FLRT2: variants seen among roughly 807,000 people sequenced by gnomAD.
FLRT2 encodes fibronectin leucine rich transmembrane protein 2.
FLRT2 carries 15 observed loss-of-function variants against 40.0 expected under a neutral mutation model. That is an observed-to-expected ratio of 0.38 (90% confidence interval 0.25 to 0.58). The LOEUF (loss-of-function observed/expected upper bound fraction) is 0.58, where lower values mean the gene tolerates loss of function less well. Ranked by LOEUF, FLRT2 falls within the 20% of genes least tolerant of loss-of-function variation. FLRT2 has a pLI of 0.71. For missense variants in FLRT2, 726 were observed against 840.0 expected (o/e 0.86, Z 1.68); for synonymous variants, 380 against 336.8 (o/e 1.13, Z -1.41).
In FLRT2 at chr14:85,579,844, T is replaced by C. The variant is rs553190356; in HGVS notation, c.-376-41295T>C. Among the ~76,000 whole-genome samples the C allele has an allele frequency of 1.2e-4, 19 of 152,144 alleles. No individual in the cohort carries two copies. The South Asian group carries it at 3.7e-3, about 30-fold the overall frequency. The stretch of plus-strand genomic sequence containing the variant: ...TTTAAAAGCGATGCCACTGGGATAC[T>C]AGTGAATACTTCTTTGTGAATATAT... On this transcript the variant is annotated intron_variant, in intron 1 of 1. Transcript: ENST00000330753.
intron 1 of FLRT2, among the ~76,000 whole-genome samples, chr14:85,546,666 A>G (rs1889297372): frequency 6.6e-6 from 1 of 152,166 alleles, no homozygotes. Context: ...AGGCCCTATA[A>G]AGGAAACCTT....
intron 1 of FLRT2, chr14:85,562,620 C>CTTTCTTTTTTT (rs528652422): frequency 8.7e-6 from 1 of 115,520 alleles, no homozygotes; most frequent in South Asian, 2.9e-4. Context: ...TTCTTTCTTT[C>CTTTCTTTTTTT]TTTTTTTTTT....
intron 1 of FLRT2, among the ~76,000 whole-genome samples, chr14:85,534,327 C>T (rs1415831631): frequency 2.0e-5 from 3 of 152,128 alleles, no homozygotes; most frequent in Non-Finnish European, 4.4e-5. Context: ...CCGCACGCTC[C>T]CCCCTTCACA....
intron 1 of FLRT2, chr14:85,560,888 G>A (rs1671157004): frequency 6.6e-6 from 1 of 151,920 alleles, no homozygotes; most frequent in South Asian, 2.1e-4. Flanking sequence ...TCTTGACTAA[G>A]AAAAAATGCA....
Position 85,631,188 on chromosome 14 carries a change from C to T in FLRT2, c.*7691C>T, listed in dbSNP as rs1308396522. 1 of 138,314 alleles carries T rather than the reference C, an allele frequency of 7.2e-6. No individual in the cohort carries two copies. The highest frequency in any genetic ancestry group is 1.5e-5 in the Non-Finnish European group (1 of 66,312). 8.6% of individuals were successfully genotyped at this position (138,314 alleles called of 1,614,324 possible). On this transcript the variant is annotated 3_prime_UTR_variant, in exon 2 of 2. Coordinates refer to ENST00000330753, the MANE Select transcript of FLRT2 (RefSeq NM_013231.6). ...TCCTGGGATCTCAAGTTCCTTCAAA[C>T]CACTATATATGTGCTCAAGGTCTTT... is the stretch of plus-strand genomic sequence containing the variant.
rs150988912 is a variant in FLRT2 at position 85,561,724 on chromosome 14, C to T, written c.-377+31190C>T. On this transcript the variant is annotated intron_variant, in intron 1 of 1. Transcript: ENST00000330753. ...CTAGAATACAATGATAAAGTAGGAACGAGATAAAATAGAATCGTACCAGAA... is the reference window on the plus strand; with the variant it reads ...CTAGAATACAATGATAAAGTAGGAATGAGATAAAATAGAATCGTACCAGAA... Among the ~76,000 whole-genome samples, 558 of 152,272 alleles carry T rather than the reference C, an allele frequency of 3.7e-3. 4 individuals carry two copies. The highest frequency in any genetic ancestry group is 0.013 in the African/African-American group (533 of 41,538).
At chr14:85,577,715 T>C (rs1891182087) in intron 1 of FLRT2, among the ~76,000 whole-genome samples, 1 of 151,806 alleles carries the variant, frequency 6.6e-6, no homozygotes, top group Non-Finnish European at 1.5e-5. Context: ...GTCTCTCGAG[T>C]AGCTAAGACT....
intron 1 of FLRT2, among the ~76,000 whole-genome samples, chr14:85,594,157 T>C (rs918159558): frequency 6.6e-6 from 1 of 152,254 alleles, no homozygotes; most frequent in Non-Finnish European, 1.5e-5. Flanking sequence ...GGTCCAATTA[T>C]TTGTTAATAA....
chr14:85,538,076 C>A (rs1313793729), intron 1 of FLRT2, among the ~76,000 whole-genome samples: 1 of 152,046 alleles, frequency 6.6e-6, no homozygotes, highest in Non-Finnish European at 1.5e-5. Flanking sequence ...ACTTACTGGC[C>A]TCCTGTACCA....
intron 1 of FLRT2, chr14:85,531,209 GGAA>G (rs1566710161): frequency 1.3e-5 from 2 of 152,312 alleles, no homozygotes; most frequent in Non-Finnish European, 2.9e-5. Flanking sequence ...CATACGAGGC[GGAA>G]TCCGGATCGA....
At position 85,636,415 on chromosome 14, in the gene FLRT2, A is replaced by AAAAAAT; in HGVS notation, c.*12918_*12919insAAAAAT. 6.9e-6 allele frequency: 1 copy of AAAAAAT among 145,200 alleles called. No individual in the cohort carries two copies. The highest frequency in any genetic ancestry group is 1.5e-5 in the Non-Finnish European group (1 of 65,796). 9.0% of individuals were successfully genotyped at this position (145,200 alleles called of 1,614,324 possible). ...GAAAAAAAAAAAAAAAAAACAAAAA[A>AAAAAAT]CATTCTTATTAATCTTAACTAATTT... On this transcript the variant is annotated 3_prime_UTR_variant, in exon 2 of 2. Transcript: ENST00000330753.
rs1894373088 is a variant in FLRT2 at position 85,649,109 on chromosome 14, A to C, written c.*25612A>C. ...GACAGGGAGAGCATCAGTATTCTGC[A>C]GTCTGATTGCAGAAGCATATATGTA... On this transcript the variant is annotated 3_prime_UTR_variant, in exon 2 of 2. Coordinates refer to ENST00000330753, the MANE Select transcript of FLRT2 (RefSeq NM_013231.6). The C allele has an allele frequency of 6.6e-6, 1 of 152,124 alleles. No individual in the cohort carries two copies. The highest frequency in any genetic ancestry group is 2.4e-5 in the African/African-American group (1 of 41,430). 9.4% of individuals were successfully genotyped at this position (152,124 alleles called of 1,614,324 possible). A position where few individuals can be genotyped will look rare whatever the true frequency, so the allele number is the denominator to read the frequency against.
intron 1 of FLRT2, among the ~76,000 whole-genome samples, chr14:85,613,210 G>GT (rs1892974963): frequency 6.6e-6 from 1 of 152,066 alleles, no homozygotes; most frequent in Non-Finnish European, 1.5e-5. Context: ...CGAATACTTA[G>GT]TTGATTTCAG....
Position 85,627,763 on chromosome 14 carries a change from G to T in FLRT2, c.*4266G>T, listed in dbSNP as rs1893752403. 6.0e-6 allele frequency: 1 copy of T among 167,004 alleles called. No individual in the cohort carries two copies. Among genetic ancestry groups the T allele is most frequent in the Non-Finnish European group, 1.5e-5 (1 of 68,120 alleles). The allele number at this position is 167,004 out of a possible 1,614,324, so 10.3% of individuals were successfully genotyped here. A position where few individuals can be genotyped will look rare whatever the true frequency, so the allele number is the denominator to read the frequency against. On this transcript the variant is annotated 3_prime_UTR_variant, in exon 2 of 2. Transcript: ENST00000330753. ...TTGAACCATATGCTGATTTGCTTCT[G>T]GTTTCTGTTTAGTGTGTTCTCTCTG...
intron 1 of FLRT2, among the ~76,000 whole-genome samples, chr14:85,604,930 G>A (rs1434161112): frequency 6.6e-6 from 1 of 152,024 alleles, no homozygotes; most frequent in South Asian, 2.1e-4. Context: ...TGTTAGTGCC[G>A]ACATGATTCT....
Position 85,622,620 on chromosome 14 carries a change from T to G in FLRT2, c.1106T>G (p.Leu369Arg), listed in dbSNP as rs779901780. 4.3e-6 allele frequency: 7 copies of G among 1,613,700 alleles called. No homozygotes were observed. In the Admixed American group the frequency reaches 1.0e-4, roughly 23 times the overall value. Residue 369 changes from leucine (L) to arginine (R), a missense_variant, in exon 2 of 2, where the codon CTC becomes CGC. Leu to Arg is a moderately radical substitution (Grantham distance 102). This residue lies in a region of FLRT2 where 611 missense variants were observed against 690.0 expected (regional missense o/e 0.89). Coordinates refer to ENST00000330753, the MANE Select transcript of FLRT2 (RefSeq NM_013231.6). ...SCPTTTPGLP[L>R]FTPAPSTASP... ...CCCACCACGACCCCCGGCCTGCCTC[T>G]CTTCACCCCAGCCCCAAGTACAGCT...
At chr14:85,610,569 T>G (rs181438153) in intron 1 of FLRT2, among the ~76,000 whole-genome samples, 21 of 152,324 alleles carry the variant, frequency 1.4e-4, no homozygotes, top group Middle Eastern at 6.8e-3. Flanking sequence ...CCTTCTCATT[T>G]CTCATAAAAT....
intron 1 of FLRT2, among the ~76,000 whole-genome samples, chr14:85,600,883 T>C (rs1447906265): frequency 1.3e-5 from 2 of 152,234 alleles, no homozygotes; most frequent in African/African-American, 2.4e-5. Flanking sequence ...TTATGTGTTA[T>C]GCTGCACAGA....
chr14:85,533,539 C>A (rs1486325002), intron 1 of FLRT2, among the ~76,000 whole-genome samples: 2 of 152,144 alleles, frequency 1.3e-5, no homozygotes, highest in Non-Finnish European at 2.9e-5. Context: ...TCCGGCGCCG[C>A]GGGGCAGCTT....
Sources: gnomAD v4.1 joint callset for allele counts (sites outside exome capture counted in the v4.1 genomes callset) on GRCh38, gnomAD v4.1.1 for gene constraint, gnomAD v4.1.1 regional missense constraint, MANE v1.5 for transcripts, NCBI Gene and HGNC (gene_info 2026-07-23, HGNC 2026-07-21) for gene names.